Variants in PDZD8 observed in about 807,000 individuals in gnomAD.
PDZD8 encodes PDZ domain-containing protein 8.
A neutral mutation model predicts 85.8 loss-of-function variants in PDZD8; 14 were observed. The ratio of observed to expected loss-of-function variants is 0.16; its 90% CI spans 0.11 to 0.26. PDZD8 has a LOEUF of 0.26. PDZD8 is among the 10% of genes least tolerant of loss of function. The probability of loss-of-function intolerance (pLI) is 1.00; values close to 1 mark genes in which losing one functional copy is unlikely to be tolerated. For missense variants in PDZD8, 1,197 were observed against 1,424.3 expected (o/e 0.84, Z 2.57); for synonymous variants, 592 against 568.6 (o/e 1.04, Z -0.59).
Position 117,362,367 on chromosome 10 carries a change from T to C in PDZD8, c.872+11989A>G, listed in dbSNP as rs995019857. On this transcript the variant is annotated intron_variant, in intron 1 of 4. Coordinates refer to ENST00000334464, the MANE Select transcript of PDZD8 (RefSeq NM_173791.5). ...TCTAAGAACTTTTAAAACTTTAGAT[T>C]TTTCATTTCATTTAGTCTCAAAATA... 2.0e-5 allele frequency among the ~76,000 whole-genome samples: 3 copies of C among 152,234 alleles called. No individual in the cohort carries two copies. In the East Asian group the frequency reaches 5.8e-4, roughly 29 times the overall value.
rs749657945 is a variant in PDZD8, at chr10:117,374,897, C to G, written c.331G>C (p.Asp111His). 2 of 1,613,464 alleles carry G rather than the reference C, an allele frequency of 1.2e-6. No individual in the cohort carries two copies. The highest frequency in any genetic ancestry group is 3.3e-5 in the Admixed American group (2 of 60,024). Residue 111 changes from aspartate (D) to histidine (H), a missense_variant, in exon 1 of 5, where the codon GAC (aspartate) becomes CAC (histidine). Transcript: ENST00000334464. The surrounding 1 kb of genome is among the most constrained non-coding windows in gnomAD (Gnocchi z 7.8). ...TILFLFRELR[D>H]TALTRRWVTK... ...ACCCAGCGGCGGGTCAGCGCGGTGT[C>G]CCGCAACTCCCGGAACAGGAATAGG...
At chr10:117,367,214 C>T (rs1438579524) in intron 1 of PDZD8, among the ~76,000 whole-genome samples, 1 of 152,018 alleles carries the variant, frequency 6.6e-6, no homozygotes, top group Non-Finnish European at 1.5e-5. Flanking sequence ...AGTTGGAGAC[C>T]AGCCTGGCCA....
intron 3 of PDZD8, among the ~76,000 whole-genome samples, chr10:117,290,995 A>C (rs201047597): frequency 1.3e-5 from 2 of 148,754 alleles, no homozygotes; most frequent in East Asian, 4.2e-4. Context: ...TCAGCCTCCC[A>C]AGCAGCTGGG....
At position 117,285,087 on chromosome 10, in the gene PDZD8, C is replaced by T; in HGVS notation, c.1646G>A (p.Ser549Asn). ...CTGAATTTTCGGTGGTAGTGGGTGA[C>T]TTCCTACAGCTAATTTACGGTTTAA... ...PVLNRKLAVGSHPLPPKIQSK... is the reference protein window; with the variant it reads ...PVLNRKLAVGNHPLPPKIQSK... Residue 549 changes from serine to asparagine, a missense_variant, in exon 5 of 5, where the codon AGT becomes AAT. Ser to Asn is a conservative substitution (Grantham distance 46, BLOSUM62 1). This residue lies in a region of PDZD8 where 263 missense variants were observed against 261.9 expected (regional missense o/e 1.00). Transcript: ENST00000334464. 1.9e-6 allele frequency: 3 copies of T among 1,614,028 alleles called. No individual in the cohort carries two copies. The highest frequency in any genetic ancestry group is 2.5e-6 in the Non-Finnish European group (3 of 1,179,932).
At chr10:117,331,435 T>A (rs1200686712) in intron 2 of PDZD8, among the ~76,000 whole-genome samples, 1 of 152,024 alleles carries the variant, frequency 6.6e-6, no homozygotes, top group Non-Finnish European at 1.5e-5. Flanking sequence ...AAATGAAAAG[T>A]CTGGACTATA....
At chr10:117,330,684 C>T (rs1286607445) in intron 2 of PDZD8, among the ~76,000 whole-genome samples, 1 of 152,140 alleles carries the variant, frequency 6.6e-6, no homozygotes, top group Non-Finnish European at 1.5e-5. Flanking sequence ...TAACCCACAA[C>T]ACCTCTTAAA....
At chr10:117,298,899 A>G (rs565501275) in intron 3 of PDZD8, among the ~76,000 whole-genome samples, 1 of 152,092 alleles carries the variant, frequency 6.6e-6, no homozygotes, top group Non-Finnish European at 1.5e-5. Flanking sequence ...CATATCCACA[A>G]GGGTTCCAGG....
At chr10:117,288,409 CAAA>C (rs903210249) in intron 4 of PDZD8, among the ~76,000 whole-genome samples, 1 of 151,468 alleles carries the variant, frequency 6.6e-6, no homozygotes, top group East Asian at 1.9e-4. Flanking sequence ...AACAAAAAAA[CAAA>C]AAAAGAGACA....
chr10:117,334,554 G>A (rs1018021683), intron 2 of PDZD8, among the ~76,000 whole-genome samples: 4 of 151,864 alleles, frequency 2.6e-5, no homozygotes, highest in African/African-American at 9.7e-5. Flanking sequence ...TCAGATACTA[G>A]ATTTAGCAGA....
At chr10:117,309,341 GCA>G (rs1487365761) in intron 3 of PDZD8, among the ~76,000 whole-genome samples, 2 of 151,258 alleles carry the variant, frequency 1.3e-5, no homozygotes, top group African/African-American at 4.9e-5. Context: ...AAACCTCAAA[GCA>G]TTCAACTTAT....
intron 1 of PDZD8, among the ~76,000 whole-genome samples, chr10:117,354,588 TAGAG>T (rs1174346608): frequency 6.0e-5 from 9 of 150,594 alleles, no homozygotes; most frequent in Non-Finnish European, 1.2e-4. Flanking sequence ...TATTTGAGAA[TAGAG>T]AGACCAGTCA....
chr10:117,332,988 G>A (rs909195748), intron 2 of PDZD8, among the ~76,000 whole-genome samples: 9 of 151,008 alleles, frequency 6.0e-5, no homozygotes, highest in South Asian at 4.2e-4. Context: ...GTGTGGTGGC[G>A]GGTGCCTGTA....
Position 117,284,975 on chromosome 10 carries a change from A to G in PDZD8, c.1758T>C (p.Ala586=), listed in dbSNP as rs1299528101. 6.2e-7 allele frequency: 1 copy of G among 1,614,082 alleles called. No individual in the cohort carries two copies. The highest frequency in any genetic ancestry group is 2.2e-5 in the East Asian group (1 of 44,872). The change falls in exon 5 of 5, where the codon GCT becomes GCC. Residue 586 remains alanine, a synonymous_variant. Coordinates refer to ENST00000334464, the MANE Select transcript of PDZD8 (RefSeq NM_173791.5). ...AQVSKPTQGS[A]FKPPVPPRPQ... ...GTCGTGGTGGCACAGGTGGTTTGAA[A>G]GCAGATCCTTGGGTTGGTTTTGACA...
At chr10:117,334,121 T>G (rs558973490) in intron 2 of PDZD8, among the ~76,000 whole-genome samples, 3 of 152,352 alleles carry the variant, frequency 2.0e-5, no homozygotes. Context: ...TTATCACATT[T>G]AAAGACAATG....
At chr10:117,337,094 A>G (rs545714768) in intron 2 of PDZD8, among the ~76,000 whole-genome samples, 1 of 152,134 alleles carries the variant, frequency 6.6e-6, no homozygotes, top group South Asian at 2.1e-4. Flanking sequence ...ATCTCAAAAA[A>G]AAAAAAAGTA....
At chr10:117,327,042 T>C (rs1844329466) in intron 2 of PDZD8, among the ~76,000 whole-genome samples, 1 of 152,224 alleles carries the variant, frequency 6.6e-6, no homozygotes, top group Non-Finnish European at 1.5e-5. Context: ...CTATGCACTG[T>C]ATTCTCTCAA....
At chr10:117,311,404 G>T (rs1223097062) in intron 3 of PDZD8, among the ~76,000 whole-genome samples, 1 of 152,114 alleles carries the variant, frequency 6.6e-6, no homozygotes, top group Non-Finnish European at 1.5e-5. Flanking sequence ...AAGAAGAAGG[G>T]TTGAGGTTGT....
chr10:117,342,949 CCT>C (rs1428813444), intron 1 of PDZD8, among the ~76,000 whole-genome samples: 8 of 152,180 alleles, frequency 5.3e-5, no homozygotes. Flanking sequence ...CAAATCCTCC[CCT>C]CTTTCGCACT....
chr10:117,321,584 A>G (rs968267119), intron 2 of PDZD8, among the ~76,000 whole-genome samples: 16 of 152,202 alleles, frequency 1.1e-4, no homozygotes, highest in African/African-American at 3.6e-4. Flanking sequence ...ACAGCCCTGT[A>G]AATTTATTAA....
Sources: gnomAD v4.1 joint callset for allele counts (sites outside exome capture counted in the v4.1 genomes callset) on GRCh38, gnomAD v4.1.1 for gene constraint, gnomAD v4.1.1 regional missense constraint, Gnocchi (gnomAD v3.1) non-coding constraint, MANE v1.5 for transcripts, NCBI Gene and HGNC (gene_info 2026-07-23, HGNC 2026-07-21) for gene names.